ACO1: variants seen among roughly 807,000 people sequenced by gnomAD.
The protein encoded by ACO1 is aconitase 1, also known as cytoplasmic aconitate hydratase.
Under a neutral mutation model 105.1 loss-of-function variants are expected in ACO1, and 78 were observed. The observed-to-expected ratio is 0.74, with a 90% CI of 0.62 to 0.90. ACO1 has a LOEUF of 0.90. Among genes scored for constraint, ACO1 ranks in the 40% least tolerant of loss-of-function variants. The pLI, the probability that ACO1 is intolerant of heterozygous loss-of-function variation, is 0.00. For missense variants in ACO1, 965 were observed against 1,111.1 expected, an observed-to-expected ratio of 0.87 and a Z score of 1.87; for synonymous variants, 364 against 397.4, an observed-to-expected ratio of 0.92 and a Z score of 1.00.
chr9:32,390,603 AT>A, intron 1 of ACO1, among the ~76,000 whole-genome samples: 1 of 152,364 alleles, frequency 6.6e-6, no homozygotes, highest in South Asian at 2.1e-4. Flanking sequence ...AATAATTTGA[AT>A]TGATTAAGTT....
chr9:32,393,237 A>G (rs1340183479), intron 1 of ACO1, among the ~76,000 whole-genome samples: 1 of 152,222 alleles, frequency 6.6e-6, no homozygotes, highest in Non-Finnish European at 1.5e-5. Flanking sequence ...TGTTTTTCTC[A>G]GCAAGGAACA....
At position 32,440,556 on chromosome 9, in the gene ACO1, G is replaced by T. The variant is rs747470214; in HGVS notation, c.2339G>T (p.Arg780Leu). Residue 780 changes from arginine to leucine, a missense_variant, in exon 19 of 21, where the codon CGA (arginine) becomes CTA (leucine). Transcript: ENST00000309951. ...AGKEYGAGSS[R>L]DWAAKGPFLL... Reference sequence around the variant, plus strand: ...AAAGAGTACGGTGCAGGCAGCTCCCGAGACTGGGCAGCTAAGGGCCCTTTC... The same window carrying T: ...AAAGAGTACGGTGCAGGCAGCTCCCTAGACTGGGCAGCTAAGGGCCCTTTC... 6.2e-7 allele frequency: 1 copy of T among 1,613,960 alleles called. No homozygotes were observed. The highest frequency in any genetic ancestry group is 1.3e-5 in the African/African-American group (1 of 75,022).
intron 17 of ACO1, 43 bp downstream of exon 17, chr9:32,434,744 G>C (rs1437238201): frequency 6.2e-7 from 1 of 1,607,836 alleles, no homozygotes; most frequent in Non-Finnish European, 8.5e-7. Context: ...CAAAAATGGA[G>C]GAATGGAGTT....
At chr9:32,394,842 A>G (rs146998017) in intron 1 of ACO1, among the ~76,000 whole-genome samples, 55 of 152,288 alleles carry the variant, frequency 3.6e-4, no homozygotes, top group African/African-American at 1.3e-3. Flanking sequence ...TATTAGCATG[A>G]GTCATAATCC....
intron 19 of ACO1, among the ~76,000 whole-genome samples, chr9:32,447,198 T>A (rs1436926564): frequency 6.6e-6 from 1 of 152,244 alleles, no homozygotes; most frequent in Non-Finnish European, 1.5e-5. Flanking sequence ...CACTTTCAAG[T>A]ACACCATTCA....
Position 32,419,067 on chromosome 9 carries a change from A to G in ACO1, c.688A>G (p.Met230Val), listed in dbSNP as rs775214589. Residue 230 changes from methionine (M) to valine (V), a missense_variant, in exon 7 of 21, where the codon ATG becomes GTG. By Grantham distance (21) the Met-to-Val change is conservative. Coordinates refer to ENST00000309951, the MANE Select transcript of ACO1 (RefSeq NM_002197.3). ...GVGGIEAEAV[M>V]LGQPISMVLP... is the part of the protein sequence containing the mutation. ...CGGTGGTATTGAAGCAGAAGCTGTC[A>G]TGCTGGGTCAGCCAATCAGTATGGT... 7 of 1,607,948 alleles carry G rather than the reference A, an allele frequency of 4.4e-6. No individual in the cohort carries two copies. The highest frequency in any genetic ancestry group is 5.1e-6 in the Non-Finnish European group (6 of 1,176,948).
intron 18 of ACO1, among the ~76,000 whole-genome samples, 198 bp from the exon 19 acceptor site, chr9:32,440,267 C>CA (rs1196425192): frequency 0.016 from 1,947 of 122,420 alleles, 23 homozygotes; most frequent in African/African-American, 0.045. Context: ...AACTCTATCT[C>CA]AAAAAAAAAA....
Position 32,431,841 on chromosome 9 carries a change from G to A in ACO1, c.1849G>A (p.Glu617Lys). Residue 617 changes from glutamate to lysine, a missense_variant and splice_region_variant, in exon 15 of 21, where the codon GAG becomes AAG. Physicochemically the swap from Glu to Lys is moderately conservative, Grantham distance 56. Transcript: ENST00000309951. ...GTTTAAGGAAGTCTATCAGAAAATAGAGGTGAGGTCCCACACTGCCCTCCC... is the reference window on the plus strand; with the variant it reads ...GTTTAAGGAAGTCTATCAGAAAATAAAGGTGAGGTCCCACACTGCCCTCCC... ...GMFKEVYQKIETVNESWNALA... is the reference protein window; with the variant it reads ...GMFKEVYQKIKTVNESWNALA... 1 of 1,614,018 alleles carries A rather than the reference G, an allele frequency of 6.2e-7. No homozygotes were observed. The highest frequency in any genetic ancestry group is 2.2e-5 in the East Asian group (1 of 44,874).
chr9:32,445,190 C>T (rs1485585999), intron 19 of ACO1, among the ~76,000 whole-genome samples: 1 of 152,160 alleles, frequency 6.6e-6, no homozygotes, highest in Non-Finnish European at 1.5e-5. Context: ...AGGAATGGTA[C>T]CAGCTCCTCT....
chr9:32,405,628 T>A, intron 2 of ACO1, 25 bp downstream of exon 2: 4 of 1,499,124 alleles, frequency 2.7e-6, no homozygotes, highest in Non-Finnish European at 2.8e-6. Flanking sequence ...GTGATAGCAA[T>A]TGGAATCTCA....
chr9:32,431,083 T>C (rs1822224623), intron 14 of ACO1, among the ~76,000 whole-genome samples: 1 of 152,238 alleles, frequency 6.6e-6, no homozygotes. Context: ...ATCCTCGTTA[T>C]TTGTGAGTTC....
intron 15 of ACO1, 23 bp downstream of exon 15, chr9:32,431,866 C>T: frequency 6.2e-7 from 1 of 1,613,222 alleles, no homozygotes; most frequent in East Asian, 2.2e-5. Flanking sequence ...ACTGCCCTCC[C>T]CGCCCCAGAG....
chr9:32,441,908 A>C (rs1251001599), intron 19 of ACO1, among the ~76,000 whole-genome samples: 1 of 152,208 alleles, frequency 6.6e-6, no homozygotes, highest in Non-Finnish European at 1.5e-5. Context: ...CAGCTTCTGA[A>C]GCAAAGCAGC....
At chr9:32,448,627 T>C (rs1434637947) in intron 19 of ACO1, among the ~76,000 whole-genome samples, 1 of 152,212 alleles carries the variant, frequency 6.6e-6, no homozygotes, top group Non-Finnish European at 1.5e-5. Flanking sequence ...TGACCCTTTG[T>C]GCTTCCCAGG....
chr9:32,430,859 T>G (rs1049632927), intron 14 of ACO1, among the ~76,000 whole-genome samples: 2 of 152,204 alleles, frequency 1.3e-5, no homozygotes, highest in African/African-American at 4.8e-5. Context: ...AGCTCTCACT[T>G]TAATGATAGG....
At chr9:32,442,242 C>T (rs960845843) in intron 19 of ACO1, among the ~76,000 whole-genome samples, 8 of 152,114 alleles carry the variant, frequency 5.3e-5, no homozygotes, top group African/African-American at 1.9e-4. Flanking sequence ...CGCTATAGTT[C>T]ACGGTTCTCA....
intron 19 of ACO1, among the ~76,000 whole-genome samples, chr9:32,447,614 G>T (rs182646020): frequency 5.0e-4 from 76 of 152,192 alleles, no homozygotes; most frequent in African/African-American, 1.7e-3. Context: ...CCTTGATGGT[G>T]AGGAGTTGTG....
chr9:32,400,863 T>C (rs914847203), intron 1 of ACO1, among the ~76,000 whole-genome samples: 7 of 152,136 alleles, frequency 4.6e-5, no homozygotes, highest in African/African-American at 7.2e-5. Flanking sequence ...TTGTAATCCA[T>C]GTTAACTTTA....
Position 32,403,802 on chromosome 9 carries a change from C to T in ACO1, c.-22-1683C>T, listed in dbSNP as rs537003006. ...CCCGTGAGCGTTTCCCACCACTTCC[C>T]CTGCCTGCAGAGACTCTGGCCTCTG... is the stretch of plus-strand genomic sequence containing the variant. On this transcript the variant is annotated intron_variant, in intron 1 of 20. Coordinates refer to ENST00000309951, the MANE Select transcript of ACO1 (RefSeq NM_002197.3). Among the ~76,000 whole-genome samples the T allele has an allele frequency of 3.3e-5, 5 of 152,166 alleles. No homozygotes were observed. The South Asian group carries it at 1.0e-3, about 32-fold the overall frequency.
Sources: gnomAD v4.1 joint callset for allele counts (sites outside exome capture counted in the v4.1 genomes callset) on GRCh38, gnomAD v4.1.1 for gene constraint, MANE v1.5 for transcripts, NCBI Gene and HGNC (gene_info 2026-07-23, HGNC 2026-07-21) for gene names.